Variants in SLIT2 observed in about 807,000 individuals in gnomAD.
The protein encoded by SLIT2 is slit homolog 2 protein.
SLIT2 carries 41 observed loss-of-function variants against 185.7 expected under a neutral mutation model. The ratio of observed to expected loss-of-function variants is 0.22; its 90% CI spans 0.17 to 0.29. The LOEUF (loss-of-function observed/expected upper bound fraction) is 0.29, where lower values mean the gene tolerates loss of function less well. Among genes scored for constraint, SLIT2 ranks in the 10% least tolerant of loss-of-function variants. The pLI is 1.00. For synonymous variants in SLIT2, 693 were observed against 680.2 expected, an observed-to-expected ratio of 1.02 and a Z score of -0.29; for missense variants, 1,571 against 1,909.0, an observed-to-expected ratio of 0.82 and a Z score of 3.30.
chr4:20,436,811 C>T (rs953062592), intron 4 of SLIT2, among the ~76,000 whole-genome samples: 9 of 152,144 alleles, frequency 5.9e-5, no homozygotes, highest in African/African-American at 1.9e-4. Flanking sequence ...TTCAGAAAAA[C>T]TTTGCTGACC....
intron 5 of SLIT2, among the ~76,000 whole-genome samples, chr4:20,479,950 A>AT (rs1426864803): frequency 6.6e-6 from 1 of 152,214 alleles, no homozygotes; most frequent in African/African-American, 2.4e-5. Flanking sequence ...TTTAACCAAA[A>AT]TTAGCATCTT....
intron 4 of SLIT2, among the ~76,000 whole-genome samples, chr4:20,295,033 CA>C (rs1716326301): frequency 6.6e-6 from 1 of 152,144 alleles, no homozygotes; most frequent in East Asian, 1.9e-4. Flanking sequence ...CTAGTTAGCT[CA>C]AAAAGATGAA....
At chr4:20,262,570 G>T (rs903543265) in intron 3 of SLIT2, among the ~76,000 whole-genome samples, 1 of 151,790 alleles carries the variant, frequency 6.6e-6, no homozygotes, top group African/African-American at 2.4e-5. Context: ...CATCTCAAAA[G>T]AATTGTTTTC....
intron 26 of SLIT2, among the ~76,000 whole-genome samples, chr4:20,566,121 C>T (rs1412451047): frequency 2.0e-5 from 3 of 151,930 alleles, no homozygotes; most frequent in Non-Finnish European, 4.4e-5. Flanking sequence ...GGTGAAGGCA[C>T]CTTAGAAGGT....
chr4:20,504,841 T>C (rs1467242327), intron 9 of SLIT2, among the ~76,000 whole-genome samples: 20 of 152,100 alleles, frequency 1.3e-4, no homozygotes, highest in Admixed American at 1.3e-3. Context: ...ATTAATGTAT[T>C]TTGAGAGAGA....
chr4:20,377,203 A>C (rs1724093066), intron 4 of SLIT2, among the ~76,000 whole-genome samples: 1 of 152,090 alleles, frequency 6.6e-6, no homozygotes, highest in African/African-American at 2.4e-5. Context: ...GAAAATTGGT[A>C]ATAAATGTCT....
chr4:20,447,470 C>T (rs1416353217), intron 4 of SLIT2, among the ~76,000 whole-genome samples: 5 of 152,182 alleles, frequency 3.3e-5, no homozygotes, highest in African/African-American at 1.2e-4. Flanking sequence ...AAAGTCTGTT[C>T]AAGGTTACAC....
At chr4:20,524,457 C>G (rs1160262476) in intron 14 of SLIT2, among the ~76,000 whole-genome samples, 2 of 152,148 alleles carry the variant, frequency 1.3e-5, no homozygotes, top group Non-Finnish European at 1.5e-5. Flanking sequence ...CAAACTTAAC[C>G]AGAGCCTTAT....
Position 20,291,093 on chromosome 4 carries a change from G to A in SLIT2, c.395+22212G>A, listed in dbSNP as rs1052859028. Among the ~76,000 whole-genome samples the A allele has an allele frequency of 2.0e-5, 3 of 151,966 alleles. No individual in the cohort carries two copies. The South Asian group carries it at 6.2e-4, about 32-fold the overall frequency. On this transcript the variant is annotated intron_variant, in intron 4 of 36. Coordinates refer to ENST00000504154, the MANE Select transcript of SLIT2 (RefSeq NM_004787.4). ...TCCACTGAACTTAAAAGTAGAGACTGAATTTAGTTCGATATGTTTGCCCAT... is the reference window on the plus strand; with the variant it reads ...TCCACTGAACTTAAAAGTAGAGACTAAATTTAGTTCGATATGTTTGCCCAT...
At position 20,619,124 on chromosome 4, in the gene SLIT2, CTT is replaced by C; in HGVS notation, c.*116_*117del. ...AATATATTGTAAAATACAGAACAGACTTATTTTTATTATGAGAATAAAGACTT... is the reference window on the plus strand; with the variant it reads ...AATATATTGTAAAATACAGAACAGACATTTTTATTATGAGAATAAAGACTT... On this transcript the variant is annotated 3_prime_UTR_variant, in exon 37 of 37. Transcript: ENST00000504154. 1.9e-6 allele frequency: 2 copies of C among 1,037,900 alleles called. No individual in the cohort carries two copies. Among genetic ancestry groups the C allele is most frequent in the Non-Finnish European group, 2.7e-6 (2 of 754,644 alleles). 64.3% of individuals were successfully genotyped at this position (1,037,900 alleles called of 1,614,324 possible). A position where few individuals can be genotyped will look rare whatever the true frequency, so the allele number is the denominator to read the frequency against.
At chr4:20,266,580 A>G (rs1713056910) in intron 3 of SLIT2, among the ~76,000 whole-genome samples, 1 of 151,934 alleles carries the variant, frequency 6.6e-6, no homozygotes, top group African/African-American at 2.4e-5. Flanking sequence ...TTTCCTAAGA[A>G]CCTACTAAGG....
At chr4:20,571,470 T>C (rs1167124329) in intron 29 of SLIT2, among the ~76,000 whole-genome samples, 1 of 152,162 alleles carries the variant, frequency 6.6e-6, no homozygotes, top group Non-Finnish European at 1.5e-5. Flanking sequence ...ACACATGAAA[T>C]GAGCTCATTT....
At chr4:20,519,150 C>T (rs1720592473) in intron 11 of SLIT2, among the ~76,000 whole-genome samples, 1 of 152,038 alleles carries the variant, frequency 6.6e-6, no homozygotes, top group Non-Finnish European at 1.5e-5. Context: ...ATGATATATA[C>T]ATATATAAAA....
At chr4:20,538,456 A>G (rs960112360) in intron 18 of SLIT2, among the ~76,000 whole-genome samples, 2 of 152,188 alleles carry the variant, frequency 1.3e-5, no homozygotes, top group Admixed American at 1.3e-4. Context: ...AAACGTTTAT[A>G]TTTCTTATTT....
At chr4:20,519,354 T>C (rs1454061760) in intron 11 of SLIT2, 28 bp from the exon 12 acceptor site, 1 of 1,204,602 alleles carries the variant, frequency 8.3e-7, no homozygotes, top group African/African-American at 1.5e-5. Context: ...TGGTGTCTAA[T>C]TTTTTTCATT....
At chr4:20,287,881 A>G (rs1715420723) in intron 4 of SLIT2, among the ~76,000 whole-genome samples, 1 of 152,028 alleles carries the variant, frequency 6.6e-6, no homozygotes, top group African/African-American at 2.4e-5. Context: ...CTTAAAAACA[A>G]TTTTCTTTAA....
intron 4 of SLIT2, among the ~76,000 whole-genome samples, chr4:20,291,526 A>G (rs1336544580): frequency 9.9e-6 from 1 of 101,354 alleles, no homozygotes; most frequent in Admixed American, 1.2e-4. Flanking sequence ...TTTTTTTTAC[A>G]GCAATGCTAT....
At chr4:20,554,764 T>G (rs1724097064) in intron 26 of SLIT2, among the ~76,000 whole-genome samples, 1 of 133,246 alleles carries the variant, frequency 7.5e-6, no homozygotes, top group African/African-American at 3.5e-5. Flanking sequence ...TTTTGTTTTG[T>G]TTTTTTTTTG....
At position 20,381,025 on chromosome 4, in the gene SLIT2, G is replaced by A. The variant is rs151174426; in HGVS notation, c.396-86727G>A. Among the ~76,000 whole-genome samples the A allele has an allele frequency of 9.9e-3, 1,507 of 152,134 alleles. 23 individuals carry two copies. Among genetic ancestry groups the A allele is most frequent in the East Asian group, 0.08 (412 of 5,146 alleles). ...TCCCAGCACTTTGGGAGGCCTAGGC[G>A]GGTGGATCACCTGAAGTCAGGAGTT... On this transcript the variant is annotated intron_variant, in intron 4 of 36. Coordinates refer to ENST00000504154, the MANE Select transcript of SLIT2 (RefSeq NM_004787.4).
Sources: gnomAD v4.1 joint callset for allele counts (sites outside exome capture counted in the v4.1 genomes callset) on GRCh38, gnomAD v4.1.1 for gene constraint, MANE v1.5 for transcripts, NCBI Gene and HGNC (gene_info 2026-07-23, HGNC 2026-07-21) for gene names.